The following MAK variants were observed in gnomAD, a reference collection of about 807,000 sequenced individuals.
The protein encoded by MAK is male germ cell associated kinase, also known as serine/threonine-protein kinase MAK.
MAK carries 65 observed loss-of-function variants against 82.6 expected under a neutral mutation model. That is an observed-to-expected ratio of 0.79 (90% CI 0.64 to 0.97). The LOEUF is 0.97. MAK is among the 50% of genes least tolerant of loss of function. MAK has a pLI of 0.00. For missense variants in MAK, 703 were observed against 780.2 expected (o/e 0.90, Z 1.18); for synonymous variants, 250 against 274.2 (o/e 0.91, Z 0.87).
intron 12 of MAK, among the ~76,000 whole-genome samples, chr6:10,774,581 A>G (rs1163786189): frequency 1.3e-5 from 2 of 152,174 alleles, no homozygotes; most frequent in Non-Finnish European, 2.9e-5. Context: ...AAAATTACAG[A>G]CCAAAATTCA....
intron 9 of MAK, among the ~76,000 whole-genome samples, chr6:10,795,449 TAAA>T (rs898777724): frequency 7.8e-6 from 1 of 128,224 alleles, no homozygotes; most frequent in Non-Finnish European, 1.7e-5. Context: ...TCTCAAGAAA[TAAA>T]AAAGAAAAGC....
In MAK at chr6:10,791,530, G is replaced by A. The variant is rs1189804150; in HGVS notation, c.1316+145C>T. 9.8e-6 allele frequency: 7 copies of A among 712,744 alleles called. No individual in the cohort carries two copies. In the African/African-American group the frequency reaches 1.3e-4, roughly 13 times the overall value. The allele number at this position is 712,744 out of a possible 1,614,324, so 44.2% of individuals were successfully genotyped here. A position where few individuals can be genotyped will look rare whatever the true frequency, so the allele number is the denominator to read the frequency against. On this transcript the variant is annotated intron_variant, in intron 10 of 14. Transcript: ENST00000354489. ...GATCAACCTGCCTCGGCCTCCCAAA[G>A]TGCTGGGATTACAGGCCTGAGCCAC...
intron 2 of MAK, among the ~76,000 whole-genome samples, chr6:10,827,028 T>A (rs1249199197): frequency 6.6e-6 from 1 of 152,128 alleles, no homozygotes; most frequent in Non-Finnish European, 1.5e-5. Flanking sequence ...GAAGAATCGC[T>A]TGAACCCAGG....
chr6:10,773,521 T>C (rs1481972112), intron 12 of MAK, among the ~76,000 whole-genome samples: 2 of 152,142 alleles, frequency 1.3e-5, no homozygotes, highest in African/African-American at 4.8e-5. Context: ...ATAATGGTAA[T>C]TGTCAAAGTT....
rs1331384829 is a variant in MAK, at chr6:10,791,707, A to T, written c.1284T>A (p.Phe428Leu). The T allele has an allele frequency of 6.2e-7, 1 of 1,613,672 alleles. No homozygotes were observed. Among genetic ancestry groups the T allele is most frequent in the East Asian group, 2.2e-5 (1 of 44,882 alleles). ...GAGAATCTTTTTTCCTTTTTTCTTT[A>T]AAAACACCCATGCTTGGCTTCTTGG... is the stretch of plus-strand genomic sequence containing the variant. ...SHSKKPSMGV[F>L]KEKRKKDSPF... The change falls in exon 10 of 15, where the codon TTT (phenylalanine) becomes TTA (leucine). Residue 428 changes from phenylalanine (F) to leucine (L), a missense_variant. Coordinates refer to ENST00000354489, the MANE Select transcript of MAK (RefSeq NM_001242957.3).
rs150179832 is a variant in MAK, at chr6:10,778,046, A to G, written c.1466-2587T>C. ...TTCACTGGGTACCTCCTACAAACCA[A>G]ACACTGTTAGGAAGAAGCATAAATT... On this transcript the variant is annotated intron_variant, in intron 11 of 14. Coordinates refer to ENST00000354489, the MANE Select transcript of MAK (RefSeq NM_001242957.3). Among the ~76,000 whole-genome samples, 270 of 152,320 alleles carry G rather than the reference A, an allele frequency of 1.8e-3. 2 individuals carry two copies. The highest frequency in any genetic ancestry group is 5.9e-3 in the African/African-American group (246 of 41,574).
chr6:10,828,169 C>A (rs979636935), intron 2 of MAK, among the ~76,000 whole-genome samples: 24 of 152,018 alleles, frequency 1.6e-4, no homozygotes, highest in African/African-American at 5.8e-4. Flanking sequence ...TTTCCTTGTA[C>A]ATGTAATGGT....
rs979134583 is a variant in MAK, at chr6:10,797,620, G to C, written c.832-1311C>G. 1.3e-5 allele frequency: 13 copies of C among 985,292 alleles called. No homozygotes were observed. In the African/African-American group the frequency reaches 2.3e-4, roughly 17 times the overall value. The allele number at this position is 985,292 out of a possible 1,614,324, so 61.0% of individuals were successfully genotyped here. A position where few individuals can be genotyped will look rare whatever the true frequency, so the allele number is the denominator to read the frequency against. On this transcript the variant is annotated intron_variant, in intron 8 of 14. Coordinates refer to ENST00000354489, the MANE Select transcript of MAK (RefSeq NM_001242957.3). Reference sequence around the variant, plus strand: ...TCCCTTATTGGCATCAAATACCTGGGCAAAGTAGCTGGTCATTTTTGGGGG... The same window carrying C: ...TCCCTTATTGGCATCAAATACCTGGCCAAAGTAGCTGGTCATTTTTGGGGG...
chr6:10,828,764 C>T (rs918948381), intron 2 of MAK, among the ~76,000 whole-genome samples: 2 of 151,972 alleles, frequency 1.3e-5, no homozygotes, highest in Non-Finnish European at 2.9e-5. Context: ...CACCGTACCT[C>T]AGCCTGGGCG....
chr6:10,821,625 C>G (rs1398019583), intron 2 of MAK, among the ~76,000 whole-genome samples: 1 of 152,130 alleles, frequency 6.6e-6, no homozygotes, highest in Non-Finnish European at 1.5e-5. Context: ...AAAATACGTT[C>G]AAGTTACTTT....
rs886060926 is a variant in MAK, at chr6:10,763,105, G to A, written c.*1347C>T. The A allele has an allele frequency of 9.8e-5, 15 of 152,590 alleles. No individual in the cohort carries two copies. Among genetic ancestry groups the A allele is most frequent in the Admixed American group, 4.6e-4 (7 of 15,280 alleles). 9.5% of individuals were successfully genotyped at this position (152,590 alleles called of 1,614,324 possible). A position where few individuals can be genotyped will look rare whatever the true frequency, so the allele number is the denominator to read the frequency against. On this transcript the variant is annotated 3_prime_UTR_variant, in exon 15 of 15. Coordinates refer to ENST00000354489, the MANE Select transcript of MAK (RefSeq NM_001242957.3). Reference sequence around the variant, plus strand: ...ATTTAAACAGAGTAGCCCAAAGTTCGAAGTGTCTATTTAAAATACCAGTTT... The same window carrying A: ...ATTTAAACAGAGTAGCCCAAAGTTCAAAGTGTCTATTTAAAATACCAGTTT...
chr6:10,775,333 T>G lies in MAK; in HGVS notation c.1592A>C (p.Asn531Thr), dbSNP rs755373628. 6.2e-7 allele frequency: 1 copy of G among 1,613,376 alleles called. No homozygotes were observed. Among genetic ancestry groups the G allele is most frequent in the South Asian group, 1.1e-5 (1 of 91,066 alleles). The change falls in exon 12 of 15, where the codon AAT (asparagine) becomes ACT (threonine). Residue 531 changes from asparagine to threonine, a missense_variant. Coordinates refer to ENST00000354489, the MANE Select transcript of MAK (RefSeq NM_001242957.3). ...ATTTTGTATTCTTGCGTTACCTGCA[T>G]TGCTCCTTTTGAAAGCAAGTTCTGC... ...VGAELAFKRS[N>T]AEESIIKPIE...
In MAK at chr6:10,800,808, C is replaced by G. The variant is rs1055011522; in HGVS notation, c.831+1084G>C. ...TGAGCCGAGATCATGCCATTGCACT[C>G]CAGCCTGGGCAACAAGAGTGAAACT... On this transcript the variant is annotated intron_variant, in intron 8 of 14. Coordinates refer to ENST00000354489, the MANE Select transcript of MAK (RefSeq NM_001242957.3). The surrounding 1 kb of genome is among the most constrained non-coding windows in gnomAD (Gnocchi z 4.2). 1.1e-4 allele frequency among the ~76,000 whole-genome samples: 17 copies of G among 151,916 alleles called. No homozygotes were observed. The highest frequency in any genetic ancestry group is 4.1e-4 in the African/African-American group (17 of 41,346).
At chr6:10,811,987 T>G (rs1367810455) in intron 5 of MAK, among the ~76,000 whole-genome samples, 1 of 151,928 alleles carries the variant, frequency 6.6e-6, no homozygotes, top group Admixed American at 6.6e-5. Flanking sequence ...ATCACTTGAG[T>G]CCAGGAGTTC....
chr6:10,832,884 G>A (rs981848653), intron 1 of MAK, among the ~76,000 whole-genome samples: 8 of 152,178 alleles, frequency 5.3e-5, no homozygotes, highest in Non-Finnish European at 8.8e-5. Context: ...ACAGTATAAT[G>A]TAAACATAAT....
intron 7 of MAK, 74 bp from the exon 8 acceptor site, chr6:10,802,133 A>G: frequency 8.7e-7 from 1 of 1,147,696 alleles, no homozygotes; most frequent in Non-Finnish European, 1.3e-6. Flanking sequence ...TAAAAAACAC[A>G]GCAGTAATAT....
intron 1 of MAK, among the ~76,000 whole-genome samples, chr6:10,831,916 A>T (rs1219358784): frequency 6.6e-6 from 1 of 152,222 alleles, no homozygotes; most frequent in Admixed American, 6.5e-5. Flanking sequence ...GATGCTATTA[A>T]CACTGCTGAA....
intron 5 of MAK, 48 bp downstream of exon 5, chr6:10,813,596 G>C (rs779468301): frequency 9.9e-7 from 1 of 1,015,192 alleles, no homozygotes; most frequent in Non-Finnish European, 1.6e-6. Flanking sequence ...TGCACAATCT[G>C]GACAGTAATC....
At chr6:10,797,580 C>G in intron 8 of MAK, 1 of 985,126 alleles carries the variant, frequency 1.0e-6, no homozygotes, top group Non-Finnish European at 1.2e-6. Context: ...CTGTGTAGCT[C>G]AGCTATGGAA....
Sources: allele counts gnomAD v4.1 joint callset (sites outside exome capture counted in the v4.1 genomes callset), GRCh38; gene constraint gnomAD v4.1.1; non-coding constraint Gnocchi (gnomAD v3.1); transcripts MANE v1.5; gene names NCBI Gene and HGNC (gene_info 2026-07-23, HGNC 2026-07-21).